The following PCDH9 variants were observed in gnomAD, a reference collection of about 807,000 sequenced individuals.
PCDH9 encodes protocadherin-9.
Under a neutral mutation model 70.6 loss-of-function variants are expected in PCDH9, and 24 were observed. That is an observed-to-expected ratio of 0.34 (90% CI 0.25 to 0.48). PCDH9 has a LOEUF of 0.48. Among genes scored for constraint, PCDH9 ranks in the 20% least tolerant of loss-of-function variants. The pLI is 0.99. For synonymous variants in PCDH9, 562 were observed against 558.5 expected (o/e 1.01, Z -0.09); for missense variants, 1,281 against 1,503.6 (o/e 0.85, Z 2.45).
At chr13:66,618,014 G>A (rs1272503413) in intron 4 of PCDH9, among the ~76,000 whole-genome samples, 1 of 152,160 alleles carries the variant, frequency 6.6e-6, no homozygotes, top group Non-Finnish European at 1.5e-5. Context: ...TGGAGCCTCG[G>A]GAAGTTCATG....
chr13:66,935,425 C>A (rs931977545), intron 2 of PCDH9, among the ~76,000 whole-genome samples: 4 of 152,090 alleles, frequency 2.6e-5, no homozygotes, highest in African/African-American at 9.7e-5. Flanking sequence ...CTGAGTTTAA[C>A]GCAAGGGTCT....
chr13:66,941,721 C>A (rs185647357), intron 2 of PCDH9, among the ~76,000 whole-genome samples: 541 of 151,916 alleles, frequency 3.6e-3, no homozygotes, highest in African/African-American at 0.012. Flanking sequence ...TATGCACCAA[C>A]TAACATAGTT....
chr13:66,771,770 T>G (rs1022287074), intron 3 of PCDH9, among the ~76,000 whole-genome samples: 6 of 152,202 alleles, frequency 3.9e-5, no homozygotes, highest in Non-Finnish European at 7.3e-5. Context: ...TTCTCAGTTT[T>G]CCAATTATAA....
chr13:66,606,562 G>C (rs891465431), intron 4 of PCDH9, among the ~76,000 whole-genome samples: 10 of 152,056 alleles, frequency 6.6e-5, no homozygotes. Flanking sequence ...TAATAGGAAA[G>C]CATAATCAAT....
Position 66,591,131 on chromosome 13 carries a change from C to T in PCDH9, c.3340+40079G>A, listed in dbSNP as rs983828221. Among the ~76,000 whole-genome samples, 16 of 151,410 alleles carry T rather than the reference C, an allele frequency of 1.1e-4. 1 individual carries two copies. The highest frequency in any genetic ancestry group is 9.9e-4 in the Admixed American group (15 of 15,158). Reference sequence around the variant, plus strand: ...TTTTCTATATTTGTTTCAGTTAAAACGTTCTATGGGAATTTTGTATTTATG... The same window carrying T: ...TTTTCTATATTTGTTTCAGTTAAAATGTTCTATGGGAATTTTGTATTTATG... On this transcript the variant is annotated intron_variant, in intron 4 of 4. Transcript: ENST00000377865.
At chr13:66,648,645 C>G (rs2077805802) in intron 3 of PCDH9, among the ~76,000 whole-genome samples, 1 of 152,032 alleles carries the variant, frequency 6.6e-6, no homozygotes, top group Admixed American at 6.6e-5. Context: ...CAATAAATAC[C>G]TAACTTTTCA....
At chr13:66,411,430 G>A (rs1355733818) in intron 4 of PCDH9, among the ~76,000 whole-genome samples, 1 of 152,080 alleles carries the variant, frequency 6.6e-6, no homozygotes, top group African/African-American at 2.4e-5. Flanking sequence ...GGGACTACAG[G>A]TGCATCCCAC....
intron 4 of PCDH9, among the ~76,000 whole-genome samples, chr13:66,598,386 T>C (rs2077127645): frequency 6.6e-6 from 1 of 151,962 alleles, no homozygotes; most frequent in African/African-American, 2.4e-5. Flanking sequence ...AAAGACAAGT[T>C]GATAGAGAAT....
intron 4 of PCDH9, among the ~76,000 whole-genome samples, chr13:66,313,704 G>A (rs1566234348): frequency 6.6e-6 from 1 of 152,058 alleles, no homozygotes; most frequent in East Asian, 1.9e-4. Context: ...CATGCCTGTG[G>A]TCTCTGACAA....
Position 67,229,968 on chromosome 13 carries a change from A to G in PCDH9, c.-324T>C, listed in dbSNP as rs931225212. 2 of 152,076 alleles carry G rather than the reference A, an allele frequency of 1.3e-5. No individual in the cohort carries two copies. Among genetic ancestry groups the G allele is most frequent in the Admixed American group, 1.3e-4 (2 of 15,282 alleles). 9.4% of individuals were successfully genotyped at this position (152,076 alleles called of 1,614,324 possible). A position where few individuals can be genotyped will look rare whatever the true frequency, so the allele number is the denominator to read the frequency against. Reference sequence around the variant, plus strand: ...GCAACTCCAGAGAACAAATTCACGGATTTGTCGTTAGTCATTCTCTCCACA... The same window carrying G: ...GCAACTCCAGAGAACAAATTCACGGGTTTGTCGTTAGTCATTCTCTCCACA... On this transcript the variant is annotated 5_prime_UTR_variant, in exon 1 of 5. Coordinates refer to ENST00000377865, the MANE Select transcript of PCDH9 (RefSeq NM_203487.3).
rs529551175 is a variant in PCDH9 at position 66,321,485 on chromosome 13, T to G, written c.3341-16457A>C. ...TTTGAACTGATATAAACTACATTTTTCGGTTGATGGTCCTCACTACTACCT... is the reference window on the plus strand; with the variant it reads ...TTTGAACTGATATAAACTACATTTTGCGGTTGATGGTCCTCACTACTACCT... On this transcript the variant is annotated intron_variant, in intron 4 of 4. Transcript: ENST00000377865. 9.5e-4 allele frequency among the ~76,000 whole-genome samples: 145 copies of G among 152,036 alleles called. 2 individuals carry two copies. Among genetic ancestry groups the G allele is most frequent in the African/African-American group, 3.4e-3 (140 of 41,386 alleles).
At chr13:66,405,564 C>T (rs1957266723) in intron 4 of PCDH9, among the ~76,000 whole-genome samples, 1 of 152,120 alleles carries the variant, frequency 6.6e-6, no homozygotes, top group African/African-American at 2.4e-5. Flanking sequence ...GTGCCAAATA[C>T]TCATCTCCCC....
intron 4 of PCDH9, among the ~76,000 whole-genome samples, chr13:66,625,415 A>AG (rs1486639645): frequency 6.6e-6 from 1 of 152,182 alleles, no homozygotes; most frequent in Non-Finnish European, 1.5e-5. Context: ...TAATTAGTGG[A>AG]GGGAAGTTCT....
intron 2 of PCDH9, among the ~76,000 whole-genome samples, chr13:67,137,696 A>C (rs1360917644): frequency 6.6e-6 from 1 of 152,010 alleles, no homozygotes; most frequent in African/African-American, 2.4e-5. Context: ...TAAAGCTACT[A>C]ATGTCCTATT....
intron 2 of PCDH9, among the ~76,000 whole-genome samples, chr13:67,166,789 T>C (rs964667407): frequency 6.6e-6 from 1 of 152,188 alleles, no homozygotes; most frequent in Non-Finnish European, 1.5e-5. Flanking sequence ...GTGGCTACCG[T>C]GGCTACGGGC....
At chr13:66,451,348 A>G (rs1958205102) in intron 4 of PCDH9, among the ~76,000 whole-genome samples, 1 of 152,166 alleles carries the variant, frequency 6.6e-6, no homozygotes, top group South Asian at 2.1e-4. Flanking sequence ...TATATAATTT[A>G]CCTAATATGA....
chr13:67,075,323 A>G (rs2085856944), intron 2 of PCDH9, among the ~76,000 whole-genome samples: 1 of 152,118 alleles, frequency 6.6e-6, no homozygotes, highest in African/African-American at 2.4e-5. Flanking sequence ...TCAGTTATAA[A>G]AGGAAAAAAT....
At chr13:66,927,212 A>G (rs1161456969) in intron 2 of PCDH9, among the ~76,000 whole-genome samples, 2 of 152,040 alleles carry the variant, frequency 1.3e-5, no homozygotes, top group African/African-American at 2.4e-5. Flanking sequence ...GGCTTAAAAA[A>G]CAAATAAAAA....
At position 66,629,210 on chromosome 13, in the gene PCDH9, A is replaced by G. The variant is rs111641320; in HGVS notation, c.3340+2000T>C. Among the ~76,000 whole-genome samples the G allele has an allele frequency of 1.4e-3, 206 of 152,334 alleles. 1 individual carries two copies. The highest frequency in any genetic ancestry group is 4.6e-3 in the African/African-American group (193 of 41,578). On this transcript the variant is annotated intron_variant, in intron 4 of 4. Transcript: ENST00000377865. ...ATATCTTTGTAAATTAACTTTGGTA[A>G]ACTCTATAGACAAGTCCTAAAACAA...
Sources: gnomAD v4.1 joint callset for allele counts (sites outside exome capture counted in the v4.1 genomes callset) on GRCh38, gnomAD v4.1.1 for gene constraint, MANE v1.5 for transcripts, NCBI Gene and HGNC (gene_info 2026-07-23, HGNC 2026-07-21) for gene names.